The following PTPN13 variants were observed in gnomAD, a reference collection of about 807,000 sequenced individuals.
PTPN13 encodes the protein protein tyrosine phosphatase non-receptor type 13, also known as tyrosine-protein phosphatase non-receptor type 13.
In PTPN13, 191 loss-of-function variants were observed where a neutral mutation model predicts 284.0. The observed-to-expected ratio is 0.67, with a 90% CI of 0.60 to 0.76. The LOEUF (loss-of-function observed/expected upper bound fraction) is 0.76. PTPN13 is among the 30% of genes least tolerant of loss of function. PTPN13 has a pLI of 0.00. For missense variants in PTPN13, 2,797 were observed against 2,939.9 expected, an observed-to-expected ratio of 0.95 and a Z score of 1.12; for synonymous variants, 986 against 1,022.3, an observed-to-expected ratio of 0.96 and a Z score of 0.68.
In PTPN13 at chr4:86,661,582, G is replaced by A. The variant is rs558135225; in HGVS notation, c.116-10783G>A. On this transcript the variant is annotated intron_variant, in intron 2 of 47. Coordinates refer to ENST00000411767, the MANE Select transcript of PTPN13 (RefSeq NM_080683.3). ...AAGTGGCAAGGCAGAGAGGGGTGAG[G>A]GAGTTATGTCAATAGCAGCAGAGAA... Among the ~76,000 whole-genome samples the A allele has an allele frequency of 5.9e-5, 9 of 152,232 alleles. No individual in the cohort carries two copies. The East Asian group carries it at 1.5e-3, about 26-fold the overall frequency.
At position 86,775,687 on chromosome 4, in the gene PTPN13, G is replaced by A. The variant is rs141436357; in HGVS notation, c.5891+35G>A. ...AATTATTTATGAGTTTTGATTGTGC[G>A]TGTGTGTGCATTTCAGGTCATTGAT... On this transcript the variant is annotated intron_variant, in intron 35 of 47. Coordinates refer to ENST00000411767, the MANE Select transcript of PTPN13 (RefSeq NM_080683.3). 438 of 1,481,794 alleles carry A rather than the reference G, an allele frequency of 3.0e-4. 3 individuals are homozygous for A. In the African/African-American group the frequency reaches 5.3e-3, roughly 18 times the overall value. The allele number at this position is 1,481,794 out of a possible 1,614,324, so 91.8% of individuals were successfully genotyped here.
At chr4:86,741,961 G>T in intron 16 of PTPN13, 145 bp downstream of exon 16, 2 of 638,032 alleles carry the variant, frequency 3.1e-6, no homozygotes, top group Non-Finnish European at 4.8e-6. Context: ...TTGTAGTTGT[G>T]GAAATTATTA....
At chr4:86,667,440 A>G (rs545772505) in intron 2 of PTPN13, among the ~76,000 whole-genome samples, 188 of 152,302 alleles carry the variant, frequency 1.2e-3, no homozygotes, top group African/African-American at 4.1e-3. Flanking sequence ...CTTTTGAGGA[A>G]TTAATACAGC....
intron 40 of PTPN13, among the ~76,000 whole-genome samples, chr4:86,786,831 G>A (rs914321717): frequency 2.6e-5 from 4 of 152,212 alleles, no homozygotes; most frequent in East Asian, 1.9e-4. Flanking sequence ...GGCCGGGCGC[G>A]TTGGCTCATG....
At chr4:86,636,701 A>T (rs900915746) in intron 2 of PTPN13, among the ~76,000 whole-genome samples, 12 of 152,122 alleles carry the variant, frequency 7.9e-5, no homozygotes, top group Non-Finnish European at 1.5e-4. Flanking sequence ...AATTTATAGC[A>T]CTAAATGCCC....
Position 86,651,175 on chromosome 4 carries a change from A to G in PTPN13, c.115+15804A>G, listed in dbSNP as rs116676483. Among the ~76,000 whole-genome samples, 511 of 152,300 alleles carry G rather than the reference A, an allele frequency of 3.4e-3. 1 individual carries two copies. The highest frequency in any genetic ancestry group is 0.012 in the African/African-American group (494 of 41,556). Reference sequence around the variant, plus strand: ...TTCCAGCATGTATTGAAATGATCATATAGTTTTTGTCTTTTATTCTGTTGA... The same window carrying G: ...TTCCAGCATGTATTGAAATGATCATGTAGTTTTTGTCTTTTATTCTGTTGA... On this transcript the variant is annotated intron_variant, in intron 2 of 47. Transcript: ENST00000411767.
chr4:86,701,364 A>G lies in PTPN13; in HGVS notation c.758A>G (p.Asn253Ser), dbSNP rs750440575. 1.9e-5 allele frequency: 31 copies of G among 1,613,004 alleles called. No individual in the cohort carries two copies. The highest frequency in any genetic ancestry group is 2.6e-5 in the Non-Finnish European group (31 of 1,179,304). Residue 253 changes from asparagine (N) to serine (S), a missense_variant, in exon 7 of 48, where the codon AAT becomes AGT. Physicochemically the swap from Asn to Ser is conservative, Grantham distance 46. Transcript: ENST00000411767. ...TCCATCAAAGATACACAAGATGAGA[A>G]TTATTTCAAGGACATTTTATCAGAT... ...FLSIKDTQDE[N>S]YFKDILSDNS...
chr4:86,697,251 G>C (rs559421719), intron 6 of PTPN13, among the ~76,000 whole-genome samples: 1 of 152,162 alleles, frequency 6.6e-6, no homozygotes, highest in Non-Finnish European at 1.5e-5. Context: ...CCTAAAATCT[G>C]TATGTGGTGA....
intron 2 of PTPN13, among the ~76,000 whole-genome samples, chr4:86,647,890 T>C (rs1724621346): frequency 6.6e-6 from 1 of 152,106 alleles, no homozygotes; most frequent in Non-Finnish European, 1.5e-5. Context: ...TTTTGCACTT[T>C]TACAAAAGTA....
At chr4:86,808,329 G>A (rs927621766) in intron 45 of PTPN13, among the ~76,000 whole-genome samples, 1 of 152,176 alleles carries the variant, frequency 6.6e-6, no homozygotes, top group Admixed American at 6.5e-5. Context: ...GATAATTTTA[G>A]CATAAACAGT....
intron 1 of PTPN13, among the ~76,000 whole-genome samples, chr4:86,611,798 A>T (rs12509039): frequency 6.6e-6 from 1 of 151,902 alleles, no homozygotes; most frequent in Non-Finnish European, 1.5e-5. Context: ...AGAAGTGAGA[A>T]CTGCAGAGAA....
At chr4:86,625,639 G>C (rs1050184099) in intron 1 of PTPN13, among the ~76,000 whole-genome samples, 1 of 152,078 alleles carries the variant, frequency 6.6e-6, no homozygotes, top group Non-Finnish European at 1.5e-5. Flanking sequence ...CCAGACTCAT[G>C]GTCCTGAAGT....
chr4:86,595,844 A>C, intron 1 of PTPN13: 28 of 707,662 alleles, frequency 4.0e-5, no homozygotes, highest in South Asian at 6.3e-5. Context: ...TTACTAAAGG[A>C]TGGGGGGGGG....
intron 23 of PTPN13, among the ~76,000 whole-genome samples, chr4:86,759,467 G>A (rs1738410707): frequency 1.3e-5 from 2 of 152,170 alleles, no homozygotes; most frequent in African/African-American, 4.8e-5. Flanking sequence ...TTAGCTATAT[G>A]ACTTAAGCCT....
rs1744933184 is a variant in PTPN13, at chr4:86,808,952, T to C, written c.7084-817T>C. On this transcript the variant is annotated intron_variant, in intron 45 of 47. Coordinates refer to ENST00000411767, the MANE Select transcript of PTPN13 (RefSeq NM_080683.3). ...TGAGAAAATGGCATTTGAGGAAAAA[T>C]GTGAATGAGTTGAGTGAGCCATGGA... Among the ~76,000 whole-genome samples, 4 of 151,934 alleles carry C rather than the reference T, an allele frequency of 2.6e-5. No individual in the cohort carries two copies. The South Asian group carries it at 8.3e-4, about 32-fold the overall frequency.
intron 20 of PTPN13, among the ~76,000 whole-genome samples, chr4:86,756,258 C>T (rs1019622215): frequency 6.6e-6 from 1 of 151,846 alleles, no homozygotes; most frequent in Non-Finnish European, 1.5e-5. Flanking sequence ...CTAATGTGAC[C>T]TCACCCCCTT....
At chr4:86,653,941 AG>A (rs1725425858) in intron 2 of PTPN13, among the ~76,000 whole-genome samples, 1 of 152,222 alleles carries the variant, frequency 6.6e-6, no homozygotes, top group South Asian at 2.1e-4. Flanking sequence ...TAAAATGTAA[AG>A]TTTAACATAT....
At chr4:86,660,038 A>G (rs1159196835) in intron 2 of PTPN13, among the ~76,000 whole-genome samples, 1 of 152,210 alleles carries the variant, frequency 6.6e-6, no homozygotes. Flanking sequence ...TAAAAGGTTC[A>G]AGAAGGAACA....
chr4:86,708,665 AT>A lies in PTPN13; in HGVS notation c.1195+6870del, dbSNP rs1254241233. On this transcript the variant is annotated intron_variant, in intron 7 of 47. Transcript: ENST00000411767. ...TCTTACTAACAATAGGTATCATCACATTTTTTAAGACCCAGCAATTTTAAAC... is the reference window on the plus strand; with the variant it reads ...TCTTACTAACAATAGGTATCATCACATTTTTAAGACCCAGCAATTTTAAAC... Among the ~76,000 whole-genome samples the A allele has an allele frequency of 2.0e-5, 3 of 152,156 alleles. No individual in the cohort carries two copies. The East Asian group carries it at 5.8e-4, about 29-fold the overall frequency.
Sources: gnomAD v4.1 joint callset for allele counts (sites outside exome capture counted in the v4.1 genomes callset) on GRCh38, gnomAD v4.1.1 for gene constraint, MANE v1.5 for transcripts, NCBI Gene and HGNC (gene_info 2026-07-23, HGNC 2026-07-21) for gene names.